The following FKTN variants were observed in gnomAD, a reference collection of about 807,000 sequenced individuals.
The protein encoded by FKTN is ribitol-5-phosphate transferase FKTN.
FKTN carries 47 observed loss-of-function variants against 58.6 expected under a neutral mutation model. The observed-to-expected ratio is 0.80, with a 90% CI of 0.63 to 1.02. The LOEUF (loss-of-function observed/expected upper bound fraction) is 1.02, where lower values mean the gene tolerates loss of function less well. Among genes scored for constraint, FKTN ranks in the 50% least tolerant of loss-of-function variants. The probability of loss-of-function intolerance (pLI) is 0.00; values close to 1 mark genes in which losing one functional copy is unlikely to be tolerated. For synonymous variants in FKTN, 178 were observed against 191.9 expected, an observed-to-expected ratio of 0.93 and a Z score of 0.60; for missense variants, 516 against 537.3, an observed-to-expected ratio of 0.96 and a Z score of 0.39.
intron 1 of FKTN, among the ~76,000 whole-genome samples, chr9:105,569,543 C>G (rs1031896770): frequency 6.6e-6 from 1 of 152,038 alleles, no homozygotes; most frequent in African/African-American, 2.4e-5. Context: ...TCTAGCTGCC[C>G]CAAAGACTGA....
intron 4 of FKTN, among the ~76,000 whole-genome samples, chr9:105,598,960 C>T (rs1185030394): frequency 6.6e-6 from 1 of 151,518 alleles, no homozygotes; most frequent in African/African-American, 2.4e-5. Context: ...CACAAAATAG[C>T]TAAATTGGAC....
At position 105,580,170 on chromosome 9, in the gene FKTN, A is replaced by G. The variant is rs544025010; in HGVS notation, c.105+5033A>G. 8.7e-3 allele frequency among the ~76,000 whole-genome samples: 1,328 copies of G among 152,240 alleles called. 17 individuals are homozygous for G. The highest frequency in any genetic ancestry group is 0.03 in the African/African-American group (1,261 of 41,490). Reference sequence around the variant, plus strand: ...TGGAGAATTTAGTCCATTTACATTTAAAGTTAATATTGTTATGTGTGAATT... The same window carrying G: ...TGGAGAATTTAGTCCATTTACATTTGAAGTTAATATTGTTATGTGTGAATT... On this transcript the variant is annotated intron_variant, in intron 3 of 10. Transcript: ENST00000357998.
Position 105,618,109 on chromosome 9 carries a change from G to A in FKTN, c.1044+17G>A, listed in dbSNP as rs200801909. 27 of 1,607,160 alleles carry A rather than the reference G, an allele frequency of 1.7e-5. No homozygotes were observed. Among genetic ancestry groups the A allele is most frequent in the Non-Finnish European group, 1.9e-5 (22 of 1,173,754 alleles). ...TTTGGGAAGGTCAGTAACAAAAGTC[G>A]GCTTCATTTCATAAGTAACATATCT... On this transcript the variant is annotated intron_variant, in intron 9 of 10. Coordinates refer to ENST00000357998, the MANE Select transcript of FKTN (RefSeq NM_001079802.2).
At chr9:105,575,525 C>G (rs1364878316) in intron 3 of FKTN, among the ~76,000 whole-genome samples, 3 of 151,998 alleles carry the variant, frequency 2.0e-5, no homozygotes, top group Non-Finnish European at 4.4e-5. Context: ...TTACCTTTAT[C>G]TGTATGTATA....
intron 5 of FKTN, among the ~76,000 whole-genome samples, chr9:105,603,422 A>C (rs1828256002): frequency 6.6e-6 from 1 of 152,198 alleles, no homozygotes; most frequent in Non-Finnish European, 1.5e-5. Context: ...TTAATTTCTA[A>C]TGATTTGCAT....
chr9:105,604,555 G>T, intron 6 of FKTN, 63 bp downstream of exon 6: 1 of 1,332,250 alleles, frequency 7.5e-7, no homozygotes, highest in African/African-American at 1.4e-5. Flanking sequence ...TTCTTGCAGT[G>T]TTTTTACATT....
At position 105,582,362 on chromosome 9, in the gene FKTN, TA is replaced by T. The variant is rs1204887384; in HGVS notation, c.105+7233del. ...GCACATGCCATCACGCCTGACTAAT[TA>T]AAAAAAATTTTTTGTAGAGACGGGG... On this transcript the variant is annotated intron_variant, in intron 3 of 10. Coordinates refer to ENST00000357998, the MANE Select transcript of FKTN (RefSeq NM_001079802.2). Among the ~76,000 whole-genome samples, 23 of 152,170 alleles carry T rather than the reference TA, an allele frequency of 1.5e-4. No homozygotes were observed. The South Asian group carries it at 1.7e-3, about 11-fold the overall frequency.
chr9:105,563,601 G>GC (rs989215548), intron 1 of FKTN, among the ~76,000 whole-genome samples: 5 of 150,896 alleles, frequency 3.3e-5, no homozygotes, highest in African/African-American at 9.8e-5. Context: ...GCGAGGCTGG[G>GC]GGGGGGGGCA....
chr9:105,632,541 G>T (rs1362089600), intron 10 of FKTN, among the ~76,000 whole-genome samples: 2 of 151,898 alleles, frequency 1.3e-5, no homozygotes, highest in Non-Finnish European at 2.9e-5. Flanking sequence ...TGTTGGTTCT[G>T]GGATAGTGGA....
chr9:105,558,681 C>T (rs987538088), intron 1 of FKTN, among the ~76,000 whole-genome samples: 4 of 150,002 alleles, frequency 2.7e-5, no homozygotes, highest in African/African-American at 9.8e-5. Context: ...ATTCTTTATG[C>T]TTTTGAAGAT....
chr9:105,611,045 G>A (rs1422570780), intron 7 of FKTN, among the ~76,000 whole-genome samples: 8 of 151,052 alleles, frequency 5.3e-5, no homozygotes, highest in Non-Finnish European at 1.0e-4. Context: ...CCTGGCCTAG[G>A]AATATCTAGA....
chr9:105,611,059 C>G (rs1829838341), intron 7 of FKTN, among the ~76,000 whole-genome samples: 1 of 150,934 alleles, frequency 6.6e-6, no homozygotes, highest in South Asian at 2.1e-4. Context: ...ATCTAGATAA[C>G]AATATTTTTA....
chr9:105,621,271 A>T (rs1831887859), intron 10 of FKTN, among the ~76,000 whole-genome samples: 1 of 152,160 alleles, frequency 6.6e-6, no homozygotes, highest in South Asian at 2.1e-4. Flanking sequence ...AGAAAAGAAC[A>T]GGAGATGGCT....
Position 105,617,965 on chromosome 9 carries a change from A to G in FKTN, c.917A>G (p.Tyr306Cys), listed in dbSNP as rs771679473. 6.3e-6 allele frequency: 10 copies of G among 1,581,778 alleles called. No homozygotes were observed. The highest frequency in any genetic ancestry group is 8.7e-6 in the Non-Finnish European group (10 of 1,151,774). ...WLSSGTCLGW[Y>C]RQCNIIPYSK... Reference sequence around the variant, plus strand: ...AATTTAATCTTCTTTTTAGGATGGTATCGACAATGCAACATTATTCCTTAT... The same window carrying G: ...AATTTAATCTTCTTTTTAGGATGGTGTCGACAATGCAACATTATTCCTTAT... Residue 306 changes from tyrosine to cysteine, a missense_variant, in exon 9 of 11, where the codon TAT (tyrosine) becomes TGT (cysteine). Physicochemically the swap from Tyr to Cys is radical, Grantham distance 194. Transcript: ENST00000357998.
chr9:105,584,034 G>A (rs1391100807), intron 3 of FKTN, among the ~76,000 whole-genome samples: 1 of 152,170 alleles, frequency 6.6e-6, no homozygotes, highest in Non-Finnish European at 1.5e-5. Context: ...TTGAGAGCAT[G>A]AACATCAGTT....
At chr9:105,593,444 C>T (rs188356868) in intron 3 of FKTN, among the ~76,000 whole-genome samples, 3 of 152,296 alleles carry the variant, frequency 2.0e-5, no homozygotes, top group Admixed American at 1.3e-4. Flanking sequence ...CAAAGCACAT[C>T]AGGTGCCTAT....
chr9:105,609,554 G>A (rs1364178456), intron 7 of FKTN, among the ~76,000 whole-genome samples: 3 of 152,210 alleles, frequency 2.0e-5, no homozygotes, highest in East Asian at 1.9e-4. Flanking sequence ...AGAATCACAT[G>A]TTGTCTTAAT....
intron 10 of FKTN, among the ~76,000 whole-genome samples, chr9:105,620,614 C>T (rs372060771): frequency 6.6e-5 from 10 of 152,184 alleles, no homozygotes; most frequent in Admixed American, 2.0e-4. Flanking sequence ...TATTTAACCT[C>T]TCTGCCTAAG....
chr9:105,581,425 C>T lies in FKTN; in HGVS notation c.105+6288C>T, dbSNP rs1380556650. The stretch of plus-strand genomic sequence containing the variant: ...CTGCAGGTCTGTTGGAGTACCCTGC[C>T]TTGTGAGGTGTCAGTGTGCCCCTGC... On this transcript the variant is annotated intron_variant, in intron 3 of 10. Coordinates refer to ENST00000357998, the MANE Select transcript of FKTN (RefSeq NM_001079802.2). Among the ~76,000 whole-genome samples, 106 of 149,084 alleles carry T rather than the reference C, an allele frequency of 7.1e-4. 1 individual carries two copies. Among genetic ancestry groups the T allele is most frequent in the South Asian group, 1.5e-3 (7 of 4,678 alleles).
Sources: allele counts gnomAD v4.1 joint callset (sites outside exome capture counted in the v4.1 genomes callset), GRCh38; gene constraint gnomAD v4.1.1; transcripts MANE v1.5; gene names NCBI Gene and HGNC (gene_info 2026-07-23, HGNC 2026-07-21).